The following ENC1 variants were observed in gnomAD, a reference collection of about 807,000 sequenced individuals.
ENC1 encodes ectoderm-neural cortex protein 1.
ENC1 carries 19 observed loss-of-function variants against 40.9 expected under a neutral mutation model. That is an observed-to-expected ratio of 0.46 (90% CI 0.32 to 0.68). The LOEUF is 0.68. ENC1 is among the 30% of genes least tolerant of loss of function. The probability of loss-of-function intolerance (pLI) is 0.03; values close to 1 mark genes in which losing one functional copy is unlikely to be tolerated. For synonymous variants in ENC1, 285 were observed against 291.1 expected (o/e 0.98, Z 0.21); for missense variants, 479 against 737.5 (o/e 0.65, Z 4.06).
intron 1 of ENC1, among the ~76,000 whole-genome samples, chr5:74,639,404 G>A (rs903347415): frequency 3.3e-5 from 5 of 152,308 alleles, no homozygotes; most frequent in African/African-American, 7.2e-5. Flanking sequence ...GACAGAGAAA[G>A]GGCTGCTATT....
At position 74,635,435 on chromosome 5, in the gene ENC1, C is replaced by T. The variant is rs144525141; in HGVS notation, c.1051G>A (p.Glu351Lys). Residue 351 changes from glutamate to lysine, a missense_variant, in exon 2 of 3, where the codon GAA (glutamate) becomes AAA (lysine). By Grantham distance (56) the Glu-to-Lys change is moderately conservative. Transcript: ENST00000302351. This position sits in a 1 kb window ranked among gnomAD's most constrained non-coding sequence, Gnocchi z 5.5. ...KVYITGGRGS[E>K]NGVSKDVWVY... ...CAGACATCTTTTGAGACCCCATTTT[C>T]AGACCCCCGCCCCCCAGTAATGTAC... 24 of 1,614,022 alleles carry T rather than the reference C, an allele frequency of 1.5e-5. No homozygotes were observed. Among genetic ancestry groups the T allele is most frequent in the Non-Finnish European group, 1.9e-5 (22 of 1,180,022 alleles).
intron 2 of ENC1, among the ~76,000 whole-genome samples, chr5:74,631,484 C>A (rs1747391770): frequency 6.6e-6 from 1 of 152,208 alleles, no homozygotes; most frequent in Non-Finnish European, 1.5e-5. Context: ...GGCACTCCAA[C>A]CCCCTCTTAA....
chr5:74,638,723 A>G (rs1029190240), intron 1 of ENC1, among the ~76,000 whole-genome samples: 3 of 152,186 alleles, frequency 2.0e-5, no homozygotes, highest in Non-Finnish European at 4.4e-5. Flanking sequence ...TTCAATCTGG[A>G]GTATCTGGAG....
At chr5:74,639,864 C>G (rs935177604) in intron 1 of ENC1, among the ~76,000 whole-genome samples, 2 of 152,246 alleles carry the variant, frequency 1.3e-5, no homozygotes, top group African/African-American at 4.8e-5. Flanking sequence ...TGCCCGCACT[C>G]AGGGTGTCTG....
Position 74,634,698 on chromosome 5 carries a change from C to T in ENC1, c.*18G>A. ...AAACTTCTTACCTCATGCTCACTCT[C>T]TTTAGAATGTACTGCATTTAAGAAG... On this transcript the variant is annotated 3_prime_UTR_variant, in exon 2 of 3. Coordinates refer to ENST00000302351, the MANE Select transcript of ENC1 (RefSeq NM_003633.4). The T allele has an allele frequency of 6.4e-7, 1 of 1,564,752 alleles. No individual in the cohort carries two copies. The highest frequency in any genetic ancestry group is 8.8e-7 in the Non-Finnish European group (1 of 1,137,598).
chr5:74,636,042 G>T lies in ENC1; in HGVS notation c.444C>A (p.Asn148Lys). The change falls in exon 2 of 3, where the codon AAC becomes AAA. Residue 148 changes from asparagine (N) to lysine (K), a missense_variant. Physicochemically the swap from Asn to Lys is moderately conservative, Grantham distance 94. Coordinates refer to ENST00000302351, the MANE Select transcript of ENC1 (RefSeq NM_003633.4). This position sits in a 1 kb window ranked among gnomAD's most constrained non-coding sequence, Gnocchi z 4.8. ...CAGACAGCAGCAGCATGCCCAGGCA[G>T]TTGGTGGGATGCAGGTTCTTTTCCA... is the stretch of plus-strand genomic sequence containing the variant. ...EFLEKNLHPT[N>K]CLGMLLLSDA... 1 of 1,614,188 alleles carries T rather than the reference G, an allele frequency of 6.2e-7. No individual in the cohort carries two copies. Among genetic ancestry groups the T allele is most frequent in the Non-Finnish European group, 8.5e-7 (1 of 1,180,026 alleles).
chr5:74,639,785 A>G (rs971086129), intron 1 of ENC1, among the ~76,000 whole-genome samples: 2 of 152,358 alleles, frequency 1.3e-5, no homozygotes, highest in African/African-American at 4.8e-5. Flanking sequence ...AACACGACAG[A>G]TCAAGAAACT....
At chr5:74,632,504 C>T (rs1030068868) in intron 2 of ENC1, among the ~76,000 whole-genome samples, 1 of 152,116 alleles carries the variant, frequency 6.6e-6, no homozygotes, top group African/African-American at 2.4e-5. Flanking sequence ...TGACATAACT[C>T]AGAACTCTGA....
rs371504794 is a variant in ENC1, at chr5:74,634,812, G to A, written c.1674C>T (p.Tyr558=). The change falls in exon 2 of 3, where the codon TAC becomes TAT. Residue 558 remains tyrosine (Y), a synonymous_variant. Transcript: ENST00000302351. The part of the protein sequence containing the change: ...GIQRCKTLDC[Y]DPTLDVWNSI... ...TGTTCCACACGTCTAATGTTGGATCGTAGCAGTCCAAAGTCTTGCATCGCT... is the reference window on the plus strand; with the variant it reads ...TGTTCCACACGTCTAATGTTGGATCATAGCAGTCCAAAGTCTTGCATCGCT... 117 of 1,613,858 alleles carry A rather than the reference G, an allele frequency of 7.2e-5. No individual in the cohort carries two copies. The highest frequency in any genetic ancestry group is 2.7e-4 in the East Asian group (12 of 44,898).
chr5:74,632,024 C>A (rs934208590), intron 2 of ENC1: 3 of 152,204 alleles, frequency 2.0e-5, no homozygotes, highest in Non-Finnish European at 2.9e-5. Context: ...AAAGATCAAA[C>A]CACTCATTTG....
rs771845512 is a variant in ENC1, at chr5:74,635,202, G to A, written c.1284C>T (p.Ala428=). 2.5e-6 allele frequency: 4 copies of A among 1,614,194 alleles called. No homozygotes were observed. Among genetic ancestry groups the A allele is most frequent in the Non-Finnish European group, 3.4e-6 (4 of 1,180,034 alleles). The change falls in exon 2 of 3, where the codon GCC becomes GCT. Residue 428 remains alanine, a synonymous_variant. Transcript: ENST00000302351. The surrounding 1 kb of genome is among the most constrained non-coding windows in gnomAD (Gnocchi z 5.5). ...DPTINKWTMV[A]PLREGVSNAA... is the part of the protein sequence containing the mutation. Reference sequence around the variant, plus strand: ...CGTTGCTAACGCCTTCTCGGAGTGGGGCCACCATGGTCCATTTGTTGATTG... The same window carrying A: ...CGTTGCTAACGCCTTCTCGGAGTGGAGCCACCATGGTCCATTTGTTGATTG...
At chr5:74,640,247 G>A (rs897613226) in intron 1 of ENC1, 60 bp downstream of exon 1, 3 of 152,798 alleles carry the variant, frequency 2.0e-5, no homozygotes, top group African/African-American at 4.8e-5. Flanking sequence ...CCCTGCAGCC[G>A]AAGCAGCCCC....
intron 2 of ENC1, chr5:74,632,127 C>T (rs967429770): frequency 6.6e-6 from 1 of 152,208 alleles, no homozygotes; most frequent in Non-Finnish European, 1.5e-5. Flanking sequence ...GCCTCAATTT[C>T]CTTACCTTGT....
Position 74,636,033 on chromosome 5 carries a change from GCC to G in ENC1, c.451_452del (p.Gly151HisfsTer6). 1 of 1,614,110 alleles carries G rather than the reference GCC, an allele frequency of 6.2e-7. No homozygotes were observed. Among genetic ancestry groups the G allele is most frequent in the Non-Finnish European group, 8.5e-7 (1 of 1,179,968 alleles). Reference protein sequence around the residue: ...EKNLHPTNCLGMLLLSDAHQC... With the variant: ...EKNLHPTNCLXMLLLSDAHQC... ...GGTGTGCATCAGACAGCAGCAGCAT[GCC>G]CAGGCAGTTGGTGGGATGCAGGTTC... On this transcript the variant is annotated frameshift_variant, in exon 2 of 3. Coordinates refer to ENST00000302351, the MANE Select transcript of ENC1 (RefSeq NM_003633.4). LOFTEE classifies it high-confidence loss of function. This position sits in a 1 kb window ranked among gnomAD's most constrained non-coding sequence, Gnocchi z 4.8.
Position 74,629,026 on chromosome 5 carries a change from C to T in ENC1, c.*999G>A, listed in dbSNP as rs753052125. On this transcript the variant is annotated 3_prime_UTR_variant, in exon 3 of 3. Coordinates refer to ENST00000302351, the MANE Select transcript of ENC1 (RefSeq NM_003633.4). ...GGAGAAGGGCAGAAAGCAGCCTCCC[C>T]TTACCCTATCAGCACAACCAAACCC... is the stretch of plus-strand genomic sequence containing the variant. 4.6e-5 allele frequency: 7 copies of T among 152,148 alleles called. No individual in the cohort carries two copies. The highest frequency in any genetic ancestry group is 1.0e-4 in the Non-Finnish European group (7 of 68,032). The allele number at this position is 152,148 out of a possible 1,614,324, so 9.4% of individuals were successfully genotyped here.
At chr5:74,630,983 T>C (rs1747371172) in intron 2 of ENC1, among the ~76,000 whole-genome samples, 1 of 152,206 alleles carries the variant, frequency 6.6e-6, no homozygotes, top group South Asian at 2.1e-4. Flanking sequence ...TTTCAAGGCA[T>C]GCCTTAGACT....
At position 74,629,803 on chromosome 5, in the gene ENC1, A is replaced by T. The variant is rs1747329291; in HGVS notation, c.*222T>A. On this transcript the variant is annotated 3_prime_UTR_variant, in exon 3 of 3. Coordinates refer to ENST00000302351, the MANE Select transcript of ENC1 (RefSeq NM_003633.4). ...CACAGGTTTGTTCATTCATATTTAA[A>T]CCATGTGCTACTTGCACCAAAAATC... 1 of 151,842 alleles carries T rather than the reference A, an allele frequency of 6.6e-6. No homozygotes were observed. The highest frequency in any genetic ancestry group is 2.4e-5 in the African/African-American group (1 of 41,372). 9.4% of individuals were successfully genotyped at this position (151,842 alleles called of 1,614,324 possible). A position where few individuals can be genotyped will look rare whatever the true frequency, so the allele number is the denominator to read the frequency against.
Position 74,627,662 on chromosome 5 carries a change from T to C in ENC1, c.*2363A>G, listed in dbSNP as rs1580343455. ...CCAAAGAAAAGGGGCTACACAATTA[T>C]ACCAGAAGTGGAGGGCTGCCCTTTG... On this transcript the variant is annotated 3_prime_UTR_variant, in exon 3 of 3. Coordinates refer to ENST00000302351, the MANE Select transcript of ENC1 (RefSeq NM_003633.4). 1 of 152,610 alleles carries C rather than the reference T, an allele frequency of 6.6e-6. No individual in the cohort carries two copies. The highest frequency in any genetic ancestry group is 2.1e-4 in the South Asian group (1 of 4,834). 9.5% of individuals were successfully genotyped at this position (152,610 alleles called of 1,614,324 possible). A position where few individuals can be genotyped will look rare whatever the true frequency, so the allele number is the denominator to read the frequency against.
Position 74,636,784 on chromosome 5 carries a change from C to A in ENC1, c.-13-286G>T, listed in dbSNP as rs1280868837. On this transcript the variant is annotated intron_variant, in intron 1 of 2. Transcript: ENST00000302351. The surrounding 1 kb of genome is among the most constrained non-coding windows in gnomAD (Gnocchi z 4.8). ...AGGTTCATCTTGGAAAACCTGATTG[C>A]CAACTTTCAGGCCATCGAAGTCTTT... 1.3e-5 allele frequency among the ~76,000 whole-genome samples: 2 copies of A among 151,968 alleles called. No individual in the cohort carries two copies. Among genetic ancestry groups the A allele is most frequent in the Non-Finnish European group, 2.9e-5 (2 of 68,010 alleles).
Sources: gnomAD v4.1 joint callset for allele counts (sites outside exome capture counted in the v4.1 genomes callset) on GRCh38, gnomAD v4.1.1 for gene constraint, Gnocchi (gnomAD v3.1) non-coding constraint, MANE v1.5 for transcripts, NCBI Gene and HGNC (gene_info 2026-07-23, HGNC 2026-07-21) for gene names.